Variants in RYR1 observed in about 807,000 individuals in gnomAD.
The protein encoded by RYR1 is central core disease of muscle.
RYR1 carries 342 observed loss-of-function variants against 583.5 expected under a neutral mutation model. The ratio of observed to expected loss-of-function variants is 0.59; its 90% CI spans 0.54 to 0.64. The LOEUF (loss-of-function observed/expected upper bound fraction) is 0.64, where lower values mean the gene tolerates loss of function less well. Among genes scored for constraint, RYR1 ranks in the 30% least tolerant of loss-of-function variants. RYR1 has a pLI of 0.00. For missense variants in RYR1, 6,032 were observed against 6,917.2 expected, an observed-to-expected ratio of 0.87 and a Z score of 4.54; for synonymous variants, 2,791 against 2,822.5, an observed-to-expected ratio of 0.99 and a Z score of 0.35.
intron 89 of RYR1, among the ~76,000 whole-genome samples, chr19:38,551,733 C>T (rs147621132): frequency 3.0e-4 from 46 of 152,196 alleles, no homozygotes; most frequent in Non-Finnish European, 6.0e-4. Flanking sequence ...CCCTCCCCAA[C>T]CCTGAGGGGC....
rs200042399 is a variant in RYR1 at position 38,500,711 on chromosome 19, C to T, written c.7429C>T (p.Pro2477Ser). The change falls in exon 46 of 106, where the codon CCC becomes TCC. Residue 2477 changes from proline (P) to serine (S), a missense_variant. Around this residue, in one of 11 missense-constraint regions of RYR1, gnomAD observed 2,627 missense variants for 2,961.3 expected, o/e 0.89. Transcript: ENST00000359596. The surrounding 1 kb of genome is among the most constrained non-coding windows in gnomAD (Gnocchi z 5.9). The stretch of plus-strand genomic sequence containing the variant: ...CATCATCAGCCTCCCACTGCAGATT[C>T]CCACCCTGGGCAAAGGTGCAGAGGG... ...VGIISLPLQI[P>S]TLGKDGALVQ... 1 of 1,614,126 alleles carries T rather than the reference C, an allele frequency of 6.2e-7. No individual in the cohort carries two copies. Among genetic ancestry groups the T allele is most frequent in the African/African-American group, 1.3e-5 (1 of 75,042 alleles).
At chr19:38,479,046 GC>G (rs113371767) in intron 31 of RYR1, among the ~76,000 whole-genome samples, 6 of 152,276 alleles carry the variant, frequency 3.9e-5, no homozygotes, top group African/African-American at 1.4e-4. Context: ...GGGATTACAG[GC>G]GTGAGCCACC....
chr19:38,583,857 G>T (rs1974326225), intron 101 of RYR1, among the ~76,000 whole-genome samples: 1 of 151,948 alleles, frequency 6.6e-6, no homozygotes, highest in African/African-American at 2.4e-5. Flanking sequence ...TTGACCGCGG[G>T]CTGGGCCAGG....
In RYR1 at chr19:38,572,220, C is replaced by A. The variant is rs1555801907; in HGVS notation, c.13948C>A (p.Leu4650Met). Residue 4650 changes from leucine (L) to methionine (M), a missense_variant, in exon 95 of 106, where the codon CTG (leucine) becomes ATG (methionine). By Grantham distance (15) the Leu-to-Met change is conservative. This residue lies in a region of RYR1 where 188 missense variants were observed against 215.6 expected (regional missense o/e 0.87). Coordinates refer to ENST00000359596, the MANE Select transcript of RYR1 (RefSeq NM_000540.3). Reference sequence around the variant, plus strand: ...ACCCGCCCTGCGGTGTCTGAGCCTCCTGCATACACTGGTGGCCTTTCTCTG... The same window carrying A: ...ACCCGCCCTGCGGTGTCTGAGCCTCATGCATACACTGGTGGCCTTTCTCTG... ...MEPALRCLSLLHTLVAFLCII... is the reference protein window; with the variant it reads ...MEPALRCLSLMHTLVAFLCII... 1 of 1,613,484 alleles carries A rather than the reference C, an allele frequency of 6.2e-7. No individual in the cohort carries two copies. The highest frequency in any genetic ancestry group is 1.3e-5 in the African/African-American group (1 of 74,796).
chr19:38,499,853 A>C lies in RYR1; in HGVS notation c.7214+32A>C, dbSNP rs376838611. 7.4e-6 allele frequency: 12 copies of C among 1,611,362 alleles called. No individual in the cohort carries two copies. The African/African-American group carries it at 9.4e-5, about 13-fold the overall frequency. On this transcript the variant is annotated intron_variant, in intron 44 of 105. Transcript: ENST00000359596. This position sits in a 1 kb window ranked among gnomAD's most constrained non-coding sequence, Gnocchi z 7.3. Reference sequence around the variant, plus strand: ...CTCCCGGCCCCCTCCTCAATAGGGCAACCCGCCCTCCCTGGCCCCTGGCTG... The same window carrying C: ...CTCCCGGCCCCCTCCTCAATAGGGCCACCCGCCCTCCCTGGCCCCTGGCTG...
chr19:38,531,544 G>A (rs190129994), intron 76 of RYR1, among the ~76,000 whole-genome samples: 12 of 152,020 alleles, frequency 7.9e-5, no homozygotes, highest in Non-Finnish European at 1.2e-4. Flanking sequence ...GCTGACAGGT[G>A]GCAAGATGGC....
chr19:38,485,472 G>A, intron 33 of RYR1, 118 bp from the exon 34 acceptor site: 1 of 1,410,436 alleles, frequency 7.1e-7, no homozygotes, highest in Admixed American at 1.7e-5. Context: ...GGGTTTGAAG[G>A]AAAGACGAAT....
Position 38,580,384 on chromosome 19 carries a change from G to A in RYR1, c.14526G>A (p.Val4842=). The A allele has an allele frequency of 1.2e-6, 2 of 1,614,092 alleles. No homozygotes were observed. Among genetic ancestry groups the A allele is most frequent in the South Asian group, 1.1e-5 (1 of 91,070 alleles). ...CCTGCCCCCAGCTGGTGATGACCGT[G>A]GGCCTTCTGGCGGTGGTCGTCTACC... is the stretch of plus-strand genomic sequence containing the variant. ...THNGKQLVMT[V]GLLAVVVYLY... is the part of the protein sequence containing the mutation. The change falls in exon 101 of 106, where the codon GTG becomes GTA. Residue 4842 remains valine (V), a synonymous_variant. Coordinates refer to ENST00000359596, the MANE Select transcript of RYR1 (RefSeq NM_000540.3).
intron 78 of RYR1, among the ~76,000 whole-genome samples, chr19:38,533,490 A>G (rs1971830871): frequency 6.6e-6 from 1 of 152,186 alleles, no homozygotes; most frequent in Non-Finnish European, 1.5e-5. Flanking sequence ...TACATTGTTA[A>G]TCTATCAAAT....
rs376439170 is a variant in RYR1 at position 38,567,738 on chromosome 19, G to A, written c.13515-35G>A. The A allele has an allele frequency of 2.8e-5, 45 of 1,614,026 alleles. No homozygotes were observed. The African/African-American group carries it at 4.9e-4, about 18-fold the overall frequency. ...AATGAACTCATGCATTGCCTGCCCA[G>A]GCACCTCCTGACCTCTCTCTGTCCT... On this transcript the variant is annotated intron_variant, in intron 92 of 105. Coordinates refer to ENST00000359596, the MANE Select transcript of RYR1 (RefSeq NM_000540.3).
chr19:38,516,369 C>T, intron 65 of RYR1, 152 bp downstream of exon 65: 1 of 865,304 alleles, frequency 1.2e-6, no homozygotes, highest in Non-Finnish European at 1.8e-6. Context: ...TCAGGAACCC[C>T]AGAGTTTATG....
chr19:38,534,116 A>G (rs1301723028), intron 78 of RYR1, among the ~76,000 whole-genome samples: 1 of 151,522 alleles, frequency 6.6e-6, no homozygotes, highest in East Asian at 2.0e-4. Context: ...GGTTCAAGCA[A>G]TTCTCCTGCC....
chr19:38,464,512 G>T, intron 22 of RYR1, 127 bp from the exon 23 acceptor site: 1 of 725,510 alleles, frequency 1.4e-6, no homozygotes. Context: ...AAGAGAGACA[G>T]GGCCAGAGCG....
Position 38,475,423 on chromosome 19 carries a change from C to T in RYR1, c.4266C>T (p.Asp1422=), listed in dbSNP as rs886054385. The part of the protein sequence containing the change: ...HDVVPADNRD[D]PEIILNTTTY... ...TGGTGCCTGCAGACAACCGCGATGA[C>T]CCCGAGATCATCCTCAACACCACCA... is the stretch of plus-strand genomic sequence containing the variant. Residue 1422 remains aspartate (D), a synonymous_variant, in exon 29 of 106, where the codon GAC becomes GAT. Coordinates refer to ENST00000359596, the MANE Select transcript of RYR1 (RefSeq NM_000540.3). 6.2e-7 allele frequency: 1 copy of T among 1,613,934 alleles called. No individual in the cohort carries two copies. The highest frequency in any genetic ancestry group is 8.5e-7 in the Non-Finnish European group (1 of 1,180,046).
Position 38,587,352 on chromosome 19 carries a change from G to A in RYR1, c.15049G>A (p.Glu5017Lys). ...QESYVWKMYQERCWDFFPAGD... is the reference protein window; with the variant it reads ...QESYVWKMYQKRCWDFFPAGD... ...GTCTTATGTCTGGAAGATGTACCAA[G>A]AGAGATGTTGGGATTTCTTCCCAGC... The change falls in exon 106 of 106, where the codon GAG (glutamate) becomes AAG (lysine). Residue 5017 changes from glutamate to lysine, a missense_variant. Physicochemically the swap from Glu to Lys is moderately conservative, Grantham distance 56. Around this residue, in one of 11 missense-constraint regions of RYR1, gnomAD observed 189 missense variants for 350.3 expected, o/e 0.54. Coordinates refer to ENST00000359596, the MANE Select transcript of RYR1 (RefSeq NM_000540.3). 1 of 1,613,954 alleles carries A rather than the reference G, an allele frequency of 6.2e-7. No homozygotes were observed. Among genetic ancestry groups the A allele is most frequent in the Non-Finnish European group, 8.5e-7 (1 of 1,179,934 alleles).
rs777191617 is a variant in RYR1, at chr19:38,460,503, G to A, written c.2489G>A (p.Arg830Gln). Residue 830 changes from arginine to glutamine, a missense_variant, in exon 20 of 106, where the codon CGG (arginine) becomes CAG (glutamine). Transcript: ENST00000359596. ...CTTGAACCCATCAAGGAGTATCGAC[G>A]GGAGGGGCCCCGGGGGCCTCACCTG... is the stretch of plus-strand genomic sequence containing the variant. The part of the protein sequence containing the change: ...LHLEPIKEYR[R>Q]EGPRGPHLVG... 1.7e-5 allele frequency: 27 copies of A among 1,614,174 alleles called. No individual in the cohort carries two copies. Among genetic ancestry groups the A allele is most frequent in the Non-Finnish European group, 2.1e-5 (25 of 1,180,034 alleles).
chr19:38,444,469 T>C lies in RYR1; in HGVS notation c.538-115T>C. ...TTCCTGATCTGTGATCTCTGATGAC[T>C]CTGTCTCCCATCTGCCGGTTTCCGG... On this transcript the variant is annotated intron_variant, in intron 6 of 105. Coordinates refer to ENST00000359596, the MANE Select transcript of RYR1 (RefSeq NM_000540.3). The surrounding 1 kb of genome is among the most constrained non-coding windows in gnomAD (Gnocchi z 5.1). 1.1e-6 allele frequency: 1 copy of C among 923,692 alleles called. No homozygotes were observed. Among genetic ancestry groups the C allele is most frequent in the East Asian group, 2.6e-5 (1 of 38,108 alleles). 57.2% of individuals were successfully genotyped at this position (923,692 alleles called of 1,614,324 possible). A position where few individuals can be genotyped will look rare whatever the true frequency, so the allele number is the denominator to read the frequency against.
intron 92 of RYR1, 63 bp from the exon 93 acceptor site, chr19:38,567,706 TTGAA>T: frequency 2.5e-6 from 4 of 1,612,780 alleles, no homozygotes; most frequent in Non-Finnish European, 3.4e-6. Flanking sequence ...GTGAATGGTT[TTGAA>T]TGAATGAACT....
chr19:38,483,018 C>T lies in RYR1; in HGVS notation c.4621-9C>T, dbSNP rs1969090689. 2 of 1,613,544 alleles carry T rather than the reference C, an allele frequency of 1.2e-6. No homozygotes were observed. Among genetic ancestry groups the T allele is most frequent in the Non-Finnish European group, 1.7e-6 (2 of 1,179,478 alleles). ...CGTTTGCTCACCTCGTCCTCTTCTC[C>T]TCTGCCAGGTGGAACCCAACACTAA... On this transcript the variant is annotated splice_polypyrimidine_tract_variant and intron_variant, in intron 31 of 105. Coordinates refer to ENST00000359596, the MANE Select transcript of RYR1 (RefSeq NM_000540.3). This position sits in a 1 kb window ranked among gnomAD's most constrained non-coding sequence, Gnocchi z 6.3.
Sources: allele counts gnomAD v4.1 joint callset (sites outside exome capture counted in the v4.1 genomes callset), GRCh38; gene constraint gnomAD v4.1.1; regional missense constraint gnomAD v4.1.1; non-coding constraint Gnocchi (gnomAD v3.1); transcripts MANE v1.5; gene names NCBI Gene and HGNC (gene_info 2026-07-23, HGNC 2026-07-21).